FIRRM: variants seen among roughly 807,000 people sequenced by gnomAD.
FIRRM encodes the protein FIGNL1-interacting regulator of recombination and mitosis.
chr1:169,829,258 T>G, the FIRRM span: 2 of 1,538,688 alleles, frequency 1.3e-6, no homozygotes, highest in Non-Finnish European at 1.7e-6. Flanking sequence ...TCAATTTCCC[T>G]GCAGGATATC....
chr1:169,844,669 G>A, the FIRRM span, among the ~76,000 whole-genome samples: 1 of 152,100 alleles, frequency 6.6e-6, no homozygotes, highest in East Asian at 1.9e-4. Context: ...GTTATAAAGA[G>A]TCAGAATACA....
chr1:169,794,241 T>A, the FIRRM span, among the ~76,000 whole-genome samples: 3 of 152,228 alleles, frequency 2.0e-5, no homozygotes, highest in Admixed American at 6.5e-5. Context: ...TGTCCAACCA[T>A]ATTCACCCCC....
the FIRRM span, among the ~76,000 whole-genome samples, chr1:169,814,537 C>T: frequency 6.6e-6 from 1 of 152,184 alleles, no homozygotes; most frequent in South Asian, 2.1e-4. Context: ...TTGCTTTTCT[C>T]AGTAAAAAGT....
chr1:169,826,159 AC>A, the FIRRM span: 91 of 222,620 alleles, frequency 4.1e-4, no homozygotes, highest in Admixed American at 2.0e-3. Context: ...TGCAACCTCC[AC>A]CTCCCAGGTT....
At chr1:169,802,636 G>A in the FIRRM span, 6 of 1,606,480 alleles carry the variant, frequency 3.7e-6, no homozygotes, top group Middle Eastern at 1.7e-4. Flanking sequence ...GAAATTATTC[G>A]ATGACATGAT....
At chr1:169,792,941 C>A in the FIRRM span, 3 of 1,614,024 alleles carry the variant, frequency 1.9e-6, no homozygotes, top group Non-Finnish European at 2.5e-6. Flanking sequence ...TGGTTTCCTG[C>A]ATCTTTTCAC....
chr1:169,823,530 G>C, the FIRRM span: 1 of 963,876 alleles, frequency 1.0e-6, no homozygotes, highest in Non-Finnish European at 1.5e-6. Context: ...GCCATGCAGT[G>C]CTTAAGTACC....
At chr1:169,806,091 A>G in the FIRRM span, 4 of 1,554,678 alleles carry the variant, frequency 2.6e-6, no homozygotes, top group Non-Finnish European at 3.5e-6. Context: ...ATAATTAAGT[A>G]AGTTTGTTTG....
chr1:169,792,115 T>TTGTA, the FIRRM span, among the ~76,000 whole-genome samples: 9 of 152,326 alleles, frequency 5.9e-5, no homozygotes, highest in Non-Finnish European at 1.0e-4. Flanking sequence ...ATTCTGATCC[T>TTGTA]TACTATACAA....
the FIRRM span, chr1:169,793,167 C>T: frequency 6.2e-7 from 1 of 1,614,046 alleles, no homozygotes; most frequent in Non-Finnish European, 8.5e-7. Context: ...GTGAAATAAG[C>T]CAGGAGGTCA....
chr1:169,786,400 C>A, the FIRRM span, among the ~76,000 whole-genome samples: 2 of 152,198 alleles, frequency 1.3e-5, no homozygotes, highest in South Asian at 4.1e-4. Context: ...AAAAGCAAAT[C>A]ATTAAAAATA....
chr1:169,784,419 C>T, the FIRRM span, among the ~76,000 whole-genome samples: 2 of 152,138 alleles, frequency 1.3e-5, no homozygotes, highest in Admixed American at 6.5e-5. Context: ...GGTCTTCTTC[C>T]TTGGGCTCTA....
At chr1:169,801,378 G>T in the FIRRM span, among the ~76,000 whole-genome samples, 1 of 148,838 alleles carries the variant, frequency 6.7e-6, no homozygotes, top group African/African-American at 2.5e-5. Context: ...CTGGGAGGCG[G>T]AGGTTGCATT....
At chr1:169,793,980 G>T in the FIRRM span, 1 of 268,684 alleles carries the variant, frequency 3.7e-6, no homozygotes. Flanking sequence ...ATATTAAACA[G>T]CCACCCCCAC....
chr1:169,807,485 A>C, the FIRRM span, among the ~76,000 whole-genome samples: 20,468 of 152,208 alleles, frequency 0.13, 1,637 homozygotes, highest in Admixed American at 0.2. Flanking sequence ...CTAGACCACA[A>C]GTTTCATGCA....
the FIRRM span, chr1:169,795,701 A>G: frequency 1.1e-5 from 11 of 986,500 alleles, no homozygotes; most frequent in Non-Finnish European, 1.3e-5. Flanking sequence ...ATTAAAGGGC[A>G]TAGTTCTGTG....
At chr1:169,847,179 A>G in the FIRRM span, among the ~76,000 whole-genome samples, 2 of 152,110 alleles carry the variant, frequency 1.3e-5, 1 homozygote, top group Admixed American at 1.3e-4. Context: ...AATCAGCGTA[A>G]TAAAATCCTA....
the FIRRM span, among the ~76,000 whole-genome samples, chr1:169,819,357 T>C: frequency 6.6e-6 from 1 of 152,214 alleles, no homozygotes; most frequent in Non-Finnish European, 1.5e-5. Context: ...TGTGCAAAGA[T>C]CTTGAGTATC....
At chr1:169,790,726 G>A in the FIRRM span, among the ~76,000 whole-genome samples, 1 of 152,126 alleles carries the variant, frequency 6.6e-6, no homozygotes, top group African/African-American at 2.4e-5. Context: ...ACCAATTAAT[G>A]TATTATGAGC....
Sources: gnomAD v4.1 joint callset for allele counts (sites outside exome capture counted in the v4.1 genomes callset) on GRCh38, gnomAD v4.1.1 for gene constraint, MANE v1.5 for transcripts, NCBI Gene and HGNC (gene_info 2026-07-23, HGNC 2026-07-21) for gene names.